The following SDC2 variants were observed in gnomAD, a reference collection of about 807,000 sequenced individuals.
The protein encoded by SDC2 is syndecan 2, also known as syndecan-2.
Under a neutral mutation model 22.2 loss-of-function variants are expected in SDC2, and 13 were observed. The ratio of observed to expected loss-of-function variants is 0.59; its 90% CI spans 0.38 to 0.93. The LOEUF (loss-of-function observed/expected upper bound fraction) is 0.93. Ranked by LOEUF, SDC2 falls within the 40% of genes least tolerant of loss-of-function variation. The pLI is 0.00. For synonymous variants in SDC2, 94 were observed against 92.8 expected, an observed-to-expected ratio of 1.01 and a Z score of -0.07; for missense variants, 235 against 246.8, an observed-to-expected ratio of 0.95 and a Z score of 0.32.
chr8:96,537,795 A>G (rs1293511379), intron 1 of SDC2, among the ~76,000 whole-genome samples: 1 of 152,212 alleles, frequency 6.6e-6, no homozygotes, highest in Non-Finnish European at 1.5e-5. Flanking sequence ...GATGGACTTA[A>G]AAATACCTGT....
chr8:96,565,307 G>A (rs1814282086), intron 1 of SDC2, among the ~76,000 whole-genome samples: 1 of 151,094 alleles, frequency 6.6e-6, no homozygotes, highest in Non-Finnish European at 1.5e-5. Flanking sequence ...GGATGGTCTC[G>A]ATCTCCTGAC....
At chr8:96,598,742 G>C (rs1373810289) in intron 2 of SDC2, among the ~76,000 whole-genome samples, 1 of 152,134 alleles carries the variant, frequency 6.6e-6, no homozygotes, top group African/African-American at 2.4e-5. Context: ...TGCTGTACTT[G>C]ATAGTGAGAG....
chr8:96,577,817 G>C (rs759638859), intron 1 of SDC2, among the ~76,000 whole-genome samples: 1 of 152,068 alleles, frequency 6.6e-6, no homozygotes, highest in African/African-American at 2.4e-5. Flanking sequence ...AACATGTTGT[G>C]TATTTGGAAT....
intron 1 of SDC2, among the ~76,000 whole-genome samples, chr8:96,553,855 C>T (rs1291210823): frequency 2.0e-5 from 3 of 152,044 alleles, no homozygotes; most frequent in African/African-American, 7.2e-5. Context: ...TCACTGCAGC[C>T]TTTACCTCCT....
intron 1 of SDC2, among the ~76,000 whole-genome samples, chr8:96,518,381 G>A (rs1458641454): frequency 7.3e-6 from 1 of 136,318 alleles, no homozygotes; most frequent in South Asian, 2.3e-4. Flanking sequence ...TTTTTTTTGA[G>A]ACAGAGTCTC....
intron 1 of SDC2, among the ~76,000 whole-genome samples, chr8:96,499,374 CTG>C (rs754201415): frequency 5.3e-5 from 8 of 152,174 alleles, no homozygotes; most frequent in African/African-American, 9.7e-5. Context: ...GTGGGGGAAA[CTG>C]TATTTTTATA....
At chr8:96,513,584 C>A (rs116269938) in intron 1 of SDC2, among the ~76,000 whole-genome samples, 3,191 of 152,180 alleles carry the variant, frequency 0.021, 117 homozygotes, top group African/African-American at 0.072. Context: ...CTACATGTGC[C>A]AGGGGTTCTG....
At chr8:96,494,402 A>G (rs1213529623) in intron 1 of SDC2, 71 bp downstream of exon 1, 3 of 1,450,408 alleles carry the variant, frequency 2.1e-6, no homozygotes, top group Non-Finnish European at 2.8e-6. Context: ...CCCGCAGGGA[A>G]TAGGGGAGCG....
chr8:96,601,259 G>C (rs1462765509), intron 2 of SDC2, among the ~76,000 whole-genome samples: 2 of 152,178 alleles, frequency 1.3e-5, no homozygotes, highest in Non-Finnish European at 2.9e-5. Flanking sequence ...CAGGGAAAAT[G>C]CTCCTGGAGG....
intron 1 of SDC2, among the ~76,000 whole-genome samples, chr8:96,547,070 A>G (rs140623813): frequency 1.4e-3 from 217 of 152,358 alleles, no homozygotes; most frequent in African/African-American, 5.0e-3. Context: ...TTTAAAAGCC[A>G]TCATGCTAGA....
At chr8:96,569,064 C>T (rs1814347337) in intron 1 of SDC2, among the ~76,000 whole-genome samples, 1 of 152,202 alleles carries the variant, frequency 6.6e-6, no homozygotes, top group Non-Finnish European at 1.5e-5. Flanking sequence ...GGCTAGAGTA[C>T]AGTGGCACAA....
intron 2 of SDC2, among the ~76,000 whole-genome samples, chr8:96,598,954 T>G (rs1038095822): frequency 6.6e-6 from 1 of 150,474 alleles, no homozygotes; most frequent in Non-Finnish European, 1.5e-5. Flanking sequence ...TTTTTTTTTT[T>G]TTTTTGAGAC....
intron 1 of SDC2, among the ~76,000 whole-genome samples, chr8:96,576,437 T>TTTTTTTTTTA (rs1814503759): frequency 2.9e-5 from 2 of 70,016 alleles, no homozygotes; most frequent in African/African-American, 4.7e-5. Context: ...TTTTTTTTTT[T>TTTTTTTTTTA]GAGACGGAGT....
chr8:96,599,818 T>TA (rs989042362), intron 2 of SDC2, among the ~76,000 whole-genome samples: 19 of 152,132 alleles, frequency 1.2e-4, no homozygotes, highest in Non-Finnish European at 1.8e-4. Flanking sequence ...GTTTTGAAAT[T>TA]AAAGGAGACA....
chr8:96,523,392 GTTAC>G (rs1428325982), intron 1 of SDC2, among the ~76,000 whole-genome samples: 2 of 152,316 alleles, frequency 1.3e-5, no homozygotes, highest in Admixed American at 1.3e-4. Context: ...ATTTGAATGT[GTTAC>G]TTACTAGTTT....
At chr8:96,511,161 G>A (rs749614927) in intron 1 of SDC2, among the ~76,000 whole-genome samples, 26 of 152,136 alleles carry the variant, frequency 1.7e-4, no homozygotes, top group Non-Finnish European at 2.6e-4. Context: ...GCATGCTAAC[G>A]TTCGAGAACC....
intron 1 of SDC2, among the ~76,000 whole-genome samples, chr8:96,583,707 GTGTGTGTGTGTA>G (rs936837840): frequency 7.6e-6 from 1 of 131,824 alleles, no homozygotes; most frequent in Non-Finnish European, 1.6e-5. Flanking sequence ...GTGTGTGTGT[GTGTGTGTGTGTA>G]TATATATATA....
Position 96,580,363 on chromosome 8 carries a change from G to T in SDC2, c.61-13117G>T, listed in dbSNP as rs1222522786. 5 of 984,952 alleles carry T rather than the reference G, an allele frequency of 5.1e-6. No individual in the cohort carries two copies. In the Admixed American group the frequency reaches 1.8e-4, roughly 36 times the overall value. 61.0% of individuals were successfully genotyped at this position (984,952 alleles called of 1,614,324 possible). A position where few individuals can be genotyped will look rare whatever the true frequency, so the allele number is the denominator to read the frequency against. On this transcript the variant is annotated intron_variant, in intron 1 of 4. Transcript: ENST00000302190. ...AGTCAGAGGATGTCTTTGTTCCAGAGCATTTGCCAAAGCCAGGTATGTCCA... is the reference window on the plus strand; with the variant it reads ...AGTCAGAGGATGTCTTTGTTCCAGATCATTTGCCAAAGCCAGGTATGTCCA...
intron 1 of SDC2, among the ~76,000 whole-genome samples, chr8:96,586,977 C>T (rs1394870796): frequency 6.6e-6 from 1 of 152,174 alleles, no homozygotes; most frequent in Non-Finnish European, 1.5e-5. Context: ...GGCTGGAGTG[C>T]TGTGGCGCAA....
Sources: gnomAD v4.1 joint callset for allele counts (sites outside exome capture counted in the v4.1 genomes callset) on GRCh38, gnomAD v4.1.1 for gene constraint, MANE v1.5 for transcripts, NCBI Gene and HGNC (gene_info 2026-07-23, HGNC 2026-07-21) for gene names.